Variants in PLB1 observed in about 807,000 individuals in gnomAD.
PLB1 encodes the protein phospholipase B1.
PLB1 carries 242 observed loss-of-function variants against 227.4 expected under a neutral mutation model. The observed-to-expected ratio is 1.06, with a 90% CI of 0.96 to 1.18. The LOEUF (loss-of-function observed/expected upper bound fraction) is 1.18. Ranked by LOEUF, PLB1 falls within the 50% of genes most tolerant of loss-of-function variation. The probability of loss-of-function intolerance (pLI) is 0.00; values close to 1 mark genes in which losing one functional copy is unlikely to be tolerated. For missense variants in PLB1, 1,858 were observed against 1,816.3 expected, an observed-to-expected ratio of 1.02 and a Z score of -0.42; for synonymous variants, 757 against 682.2, an observed-to-expected ratio of 1.11 and a Z score of -1.71.
chr2:28,606,069 G>A lies in PLB1; in HGVS notation c.3057+121G>A, dbSNP rs1330744745. The A allele has an allele frequency of 4.4e-5, 34 of 774,096 alleles. No homozygotes were observed. The Admixed American group carries it at 6.5e-4, about 15-fold the overall frequency. The allele number at this position is 774,096 out of a possible 1,614,324, so 48.0% of individuals were successfully genotyped here. A position where few individuals can be genotyped will look rare whatever the true frequency, so the allele number is the denominator to read the frequency against. On this transcript the variant is annotated intron_variant, in intron 42 of 57. Coordinates refer to ENST00000327757, the MANE Select transcript of PLB1 (RefSeq NM_153021.5). ...GGCAGTGGCTGGTACATCTATAAAC[G>A]TCTATGCAGTTGGAAATGCGGAGTC... is the stretch of plus-strand genomic sequence containing the variant.
At position 28,532,174 on chromosome 2, in the gene PLB1, C is replaced by G; in HGVS notation, c.535C>G (p.Leu179Val). The change falls in exon 9 of 58, where the codon CTG becomes GTG. Residue 179 changes from leucine to valine, a missense_variant. Physicochemically the swap from Leu to Val is conservative, Grantham distance 32. Transcript: ENST00000327757. Reference sequence around the variant, plus strand: ...CTTCAGTAATGCAAGCCAGTGTTACCTGTGCCCCTCTGCTCAACAGGTAAA... The same window carrying G: ...CTTCAGTAATGCAAGCCAGTGTTACGTGTGCCCCTCTGCTCAACAGGTAAA... ...VFFSNASQCYLCPSAQQNGLA... is the reference protein window; with the variant it reads ...VFFSNASQCYVCPSAQQNGLA... 6.2e-7 allele frequency: 1 copy of G among 1,612,502 alleles called. No homozygotes were observed. Among genetic ancestry groups the G allele is most frequent in the Non-Finnish European group, 8.5e-7 (1 of 1,179,188 alleles).
At chr2:28,622,142 A>G (rs776360965) in intron 49 of PLB1, among the ~76,000 whole-genome samples, 6 of 152,260 alleles carry the variant, frequency 3.9e-5, no homozygotes, top group African/African-American at 7.2e-5. Flanking sequence ...TAATTGCTCT[A>G]TAACTTTCCT....
intron 33 of PLB1, chr2:28,594,373 TTC>T (rs1682546742): frequency 4.9e-6 from 1 of 202,618 alleles, no homozygotes; most frequent in South Asian, 7.0e-5. Flanking sequence ...TCAAGTTTCT[TTC>T]TCTCCTAATA....
intron 49 of PLB1, 96 bp from the exon 50 acceptor site, chr2:28,624,961 C>A: frequency 1.7e-6 from 2 of 1,158,578 alleles, no homozygotes; most frequent in Non-Finnish European, 2.6e-6. Context: ...TAACATCATT[C>A]TTCTTGAAAC....
Position 28,582,566 on chromosome 2 carries a change from C to T in PLB1, c.1733+61C>T, listed in dbSNP as rs530369629. On this transcript the variant is annotated intron_variant, in intron 25 of 57. Coordinates refer to ENST00000327757, the MANE Select transcript of PLB1 (RefSeq NM_153021.5). ...TCCTCACTGCTAAGGGCAGTGGCAC[C>T]CTTAGCAAATTCCTTAGAAAACCCA... is the stretch of plus-strand genomic sequence containing the variant. 4.9e-5 allele frequency: 64 copies of T among 1,318,764 alleles called. No homozygotes were observed. In the South Asian group the frequency reaches 7.5e-4, roughly 15 times the overall value. The allele number at this position is 1,318,764 out of a possible 1,614,324, so 81.7% of individuals were successfully genotyped here. A position where few individuals can be genotyped will look rare whatever the true frequency, so the allele number is the denominator to read the frequency against.
chr2:28,591,877 C>G, intron 31 of PLB1, 117 bp downstream of exon 31: 1 of 1,042,988 alleles, frequency 9.6e-7, no homozygotes, highest in Non-Finnish European at 1.4e-6. Context: ...CCAGTGCTTG[C>G]TGTCTGCCTG....
rs748273119 is a variant in PLB1 at position 28,591,695 on chromosome 2, CT to C, written c.2128-3del. The C allele has an allele frequency of 6.2e-7, 1 of 1,613,906 alleles. No homozygotes were observed. Among genetic ancestry groups the C allele is most frequent in the Admixed American group, 1.7e-5 (1 of 60,016 alleles). Reference sequence around the variant, plus strand: ...GAGATTCTGGGATTTGTTCTATGCCCTTAGGGTCATGGGACCTGGCTGCCAT... The same window carrying C: ...GAGATTCTGGGATTTGTTCTATGCCCTAGGGTCATGGGACCTGGCTGCCAT... On this transcript the variant is annotated splice_region_variant and splice_polypyrimidine_tract_variant and intron_variant, in intron 30 of 57. Transcript: ENST00000327757.
At chr2:28,512,642 G>A (rs6748067) in intron 1 of PLB1, among the ~76,000 whole-genome samples, 62,680 of 151,292 alleles carry the variant, frequency 0.41, 15,553 homozygotes, top group Middle Eastern at 0.63. Context: ...CTCTAATTGT[G>A]TGCAGCTAAC....
intron 51 of PLB1, 38 bp from the exon 52 acceptor site, chr2:28,628,525 C>T (rs771545561): frequency 7.5e-6 from 12 of 1,591,168 alleles, no homozygotes; most frequent in East Asian, 2.2e-5. Flanking sequence ...TCAGAGCGGG[C>T]ACCAGGGGCT....
At chr2:28,616,076 G>C (rs1686162845) in intron 44 of PLB1, among the ~76,000 whole-genome samples, 1 of 152,216 alleles carries the variant, frequency 6.6e-6, no homozygotes, top group South Asian at 2.1e-4. Flanking sequence ...TGGGAAGGGT[G>C]GATGGTGGTT....
At chr2:28,609,659 C>A (rs1685166465) in intron 43 of PLB1, among the ~76,000 whole-genome samples, 1 of 152,124 alleles carries the variant, frequency 6.6e-6, no homozygotes, top group African/African-American at 2.4e-5. Context: ...AACATTCATT[C>A]AAAAAATAAT....
intron 12 of PLB1, 94 bp from the exon 13 acceptor site, chr2:28,541,613 G>A (rs1361304530): frequency 2.2e-6 from 2 of 902,460 alleles, no homozygotes; most frequent in East Asian, 2.6e-5. Flanking sequence ...GGCAGATCCT[G>A]TCCCAGGGCT....
rs1399140153 is a variant in PLB1, at chr2:28,620,217, G to A, written c.3316-48G>A. On this transcript the variant is annotated intron_variant, in intron 46 of 57. Transcript: ENST00000327757. ...CAGGGCCAGAGGAGGCTCTTCCAGTGCCCTCAGCCTATACCCCAGCCCTGA... is the reference window on the plus strand; with the variant it reads ...CAGGGCCAGAGGAGGCTCTTCCAGTACCCTCAGCCTATACCCCAGCCCTGA... The A allele has an allele frequency of 3.6e-6, 5 of 1,380,942 alleles. No homozygotes were observed. In the South Asian group the frequency reaches 4.2e-5, roughly 12 times the overall value. The allele number at this position is 1,380,942 out of a possible 1,614,324, so 85.5% of individuals were successfully genotyped here.
chr2:28,528,784 TA>T (rs1430450096), intron 6 of PLB1, among the ~76,000 whole-genome samples: 29 of 152,154 alleles, frequency 1.9e-4, no homozygotes. Flanking sequence ...TGTTCATTTT[TA>T]GCTCCTTCAC....
intron 1 of PLB1, among the ~76,000 whole-genome samples, chr2:28,513,676 C>A (rs1392853798): frequency 6.6e-6 from 1 of 152,244 alleles, no homozygotes; most frequent in Non-Finnish European, 1.5e-5. Flanking sequence ...CACACACATA[C>A]ACACCACACA....
intron 54 of PLB1, 128 bp downstream of exon 54, chr2:28,630,792 C>T (rs939044858): frequency 1.4e-5 from 10 of 696,990 alleles, no homozygotes; most frequent in Admixed American, 2.8e-5. Context: ...ATTGCAGCCC[C>T]TGAAATACTT....
chr2:28,517,349 C>T (rs1050575056), intron 2 of PLB1, among the ~76,000 whole-genome samples: 1 of 150,580 alleles, frequency 6.6e-6, no homozygotes, highest in Non-Finnish European at 1.5e-5. Context: ...CCCGCTTCCA[C>T]TCTCAATTTT....
intron 1 of PLB1, among the ~76,000 whole-genome samples, chr2:28,511,983 G>A (rs1334510222): frequency 6.8e-6 from 1 of 147,210 alleles, no homozygotes; most frequent in Non-Finnish European, 1.5e-5. Context: ...TAGAGATGAG[G>A]TTTCACCATG....
At chr2:28,618,914 A>G (rs890960605) in intron 46 of PLB1, among the ~76,000 whole-genome samples, 2 of 152,200 alleles carry the variant, frequency 1.3e-5, no homozygotes, top group Non-Finnish European at 2.9e-5. Flanking sequence ...TCTATTAGCA[A>G]TTCTAAGGGA....
Sources: gnomAD v4.1 joint callset for allele counts (sites outside exome capture counted in the v4.1 genomes callset) on GRCh38, gnomAD v4.1.1 for gene constraint, MANE v1.5 for transcripts, NCBI Gene and HGNC (gene_info 2026-07-23, HGNC 2026-07-21) for gene names.